MYL10: variants seen among roughly 807,000 people sequenced by gnomAD.
MYL10 encodes the protein myosin regulatory light chain 10.
In MYL10, 18 loss-of-function variants were observed where a neutral mutation model predicts 21.9. The observed-to-expected ratio is 0.82, with a 90% CI of 0.57 to 1.22. The LOEUF (loss-of-function observed/expected upper bound fraction) is 1.22, where lower values mean the gene tolerates loss of function less well. Among genes scored for constraint, MYL10 ranks in the 50% most tolerant of loss-of-function variants. The probability of loss-of-function intolerance (pLI) is 0.00; values close to 1 mark genes in which losing one functional copy is unlikely to be tolerated. For synonymous variants in MYL10, 88 were observed against 82.8 expected (o/e 1.06, Z -0.34); for missense variants, 225 against 230.4 (o/e 0.98, Z 0.15).
intron 5 of MYL10, among the ~76,000 whole-genome samples, chr7:101,620,930 G>A (rs978721081): frequency 9.9e-5 from 15 of 151,578 alleles, no homozygotes; most frequent in Non-Finnish European, 1.2e-4. Context: ...CTGGGATTAC[G>A]GGCACCCACC....
chr7:101,624,362 A>G, intron 1 of MYL10, 98 bp from the exon 2 acceptor site: 1 of 868,878 alleles, frequency 1.2e-6, no homozygotes, highest in Non-Finnish European at 1.8e-6. Flanking sequence ...CCAGAATGAC[A>G]CCGCTTTGCC....
chr7:101,617,852 G>A (rs538276535), intron 5 of MYL10, among the ~76,000 whole-genome samples: 1 of 152,006 alleles, frequency 6.6e-6, no homozygotes, highest in South Asian at 2.1e-4. Flanking sequence ...CATCAGACTG[G>A]ATCAGGGCCT....
rs1176944466 is a variant in MYL10, at chr7:101,625,101, G to C, written c.79-837C>G. Among the ~76,000 whole-genome samples, 5 of 152,166 alleles carry C rather than the reference G, an allele frequency of 3.3e-5. No homozygotes were observed. In the East Asian group the frequency reaches 9.6e-4, roughly 29 times the overall value. On this transcript the variant is annotated intron_variant, in intron 1 of 7. Transcript: ENST00000223167. ...CCACCCTGAACCTGGCTCAAAGTGG[G>C]GATCAGCCAGTGCTTGGAAATAGCT...
rs762939514 is a variant in MYL10, at chr7:101,622,132, T to G, written c.418A>C (p.Thr140Pro). 8 of 1,613,658 alleles carry G rather than the reference T, an allele frequency of 5.0e-6. No individual in the cohort carries two copies. Among genetic ancestry groups the G allele is most frequent in the Non-Finnish European group, 6.8e-6 (8 of 1,179,814 alleles). The change falls in exon 5 of 8, where the codon ACG becomes CCG. Residue 140 changes from threonine (T) to proline (P), a missense_variant. Coordinates refer to ENST00000223167, the MANE Select transcript of MYL10 (RefSeq NM_138403.5). The part of the protein sequence containing the change: ...VKEAPGPINF[T>P]VFLTMFGEKL... The stretch of plus-strand genomic sequence containing the variant: ...TCCCCAAACATGGTCAGGAACACCG[T>G]GAAGTTGATGGGTCCGGGGGCCTCC...
chr7:101,614,994 A>G (rs1358568298), intron 6 of MYL10, among the ~76,000 whole-genome samples: 1 of 152,050 alleles, frequency 6.6e-6, no homozygotes, highest in African/African-American at 2.4e-5. Context: ...TCAGCCCTGA[A>G]TCTTGGGTCC....
In MYL10 at chr7:101,629,057, T is replaced by C. The variant is rs1216318737; in HGVS notation, c.62A>G (p.Lys21Arg). 5 of 439,346 alleles carry C rather than the reference T, an allele frequency of 1.1e-5. No homozygotes were observed. The highest frequency in any genetic ancestry group is 1.8e-5 in the Non-Finnish European group (4 of 221,682). 27.2% of individuals were successfully genotyped at this position (439,346 alleles called of 1,614,324 possible). A position where few individuals can be genotyped will look rare whatever the true frequency, so the allele number is the denominator to read the frequency against. Residue 21 changes from lysine to arginine, a missense_variant, in exon 1 of 8, where the codon AAA (lysine) becomes AGA (arginine). Lys to Arg is a conservative substitution (Grantham distance 26). Coordinates refer to ENST00000223167, the MANE Select transcript of MYL10 (RefSeq NM_138403.5). ...PQVILPPRPP[K>R]VLGLQAPRRA... Reference sequence around the variant, plus strand: ...GGCTCATACCTGTAATCCCAGCACTTTGGGAGGCCGAGGAGGGAGGATCAC... The same window carrying C: ...GGCTCATACCTGTAATCCCAGCACTCTGGGAGGCCGAGGAGGGAGGATCAC...
In MYL10 at chr7:101,613,383, C is replaced by G. The variant is rs888425546; in HGVS notation, c.*92G>C. 4 of 1,050,650 alleles carry G rather than the reference C, an allele frequency of 3.8e-6. No homozygotes were observed. Among genetic ancestry groups the G allele is most frequent in the African/African-American group, 3.2e-5 (2 of 62,860 alleles). 65.1% of individuals were successfully genotyped at this position (1,050,650 alleles called of 1,614,324 possible). On this transcript the variant is annotated 3_prime_UTR_variant, in exon 8 of 8. Coordinates refer to ENST00000223167, the MANE Select transcript of MYL10 (RefSeq NM_138403.5). Reference sequence around the variant, plus strand: ...GTCCCCAACCGTAGGACAAGGGAAGCCTTTTTCCTGCAGCCTCTGGCTGCA... The same window carrying G: ...GTCCCCAACCGTAGGACAAGGGAAGGCTTTTTCCTGCAGCCTCTGGCTGCA...
At chr7:101,626,848 G>T (rs750764773) in intron 1 of MYL10, among the ~76,000 whole-genome samples, 10 of 152,186 alleles carry the variant, frequency 6.6e-5, no homozygotes, top group Non-Finnish European at 1.3e-4. Context: ...AGTGGGGCAG[G>T]TCCAAGCATG....
rs188614585 is a variant in MYL10, at chr7:101,623,000, G to A, written c.346C>T (p.Leu116=). 3 of 1,613,878 alleles carry A rather than the reference G, an allele frequency of 1.9e-6. No individual in the cohort carries two copies. Among genetic ancestry groups the A allele is most frequent in the Non-Finnish European group, 8.5e-7 (1 of 1,179,962 alleles). Residue 116 remains leucine (L), a synonymous_variant, in exon 4 of 8, where the codon CTG becomes TTG. Coordinates refer to ENST00000223167, the MANE Select transcript of MYL10 (RefSeq NM_138403.5). ...KEDLRDTFAA[L]GRINVKNEEL... ...CCCCGGCTGCTGGCTCACCCACCCAGCGCGGCAAAGGTGTCCCTCAAGTCC... is the reference window on the plus strand; with the variant it reads ...CCCCGGCTGCTGGCTCACCCACCCAACGCGGCAAAGGTGTCCCTCAAGTCC...
intron 1 of MYL10, among the ~76,000 whole-genome samples, chr7:101,625,832 AC>A (rs1431123314): frequency 6.6e-6 from 1 of 152,140 alleles, no homozygotes; most frequent in Non-Finnish European, 1.5e-5. Context: ...AAAAATGATC[AC>A]TTCCGTCTGT....
intron 1 of MYL10, among the ~76,000 whole-genome samples, chr7:101,626,232 G>T (rs1562827193): frequency 1.3e-5 from 2 of 152,154 alleles, no homozygotes; most frequent in South Asian, 2.1e-4. Context: ...CCTAGAGCAG[G>T]TCAACCTCAA....
At chr7:101,617,687 G>A (rs920478786) in intron 5 of MYL10, among the ~76,000 whole-genome samples, 6 of 152,174 alleles carry the variant, frequency 3.9e-5, no homozygotes, top group African/African-American at 1.4e-4. Context: ...CTGGGTCAGG[G>A]CCATCTGTGC....
intron 4 of MYL10, among the ~76,000 whole-genome samples, chr7:101,622,671 A>G (rs560693202): frequency 4.6e-5 from 7 of 152,128 alleles, no homozygotes; most frequent in Admixed American, 1.3e-4. Flanking sequence ...TCAACCTGGG[A>G]GTTGGGTCTT....
At chr7:101,622,669 G>A (rs1456099631) in intron 4 of MYL10, among the ~76,000 whole-genome samples, 15 of 152,104 alleles carry the variant, frequency 9.9e-5, no homozygotes. Context: ...CCTCAACCTG[G>A]GAGTTGGGTC....
intron 5 of MYL10, among the ~76,000 whole-genome samples, chr7:101,618,184 C>G (rs1380932655): frequency 6.6e-6 from 1 of 152,244 alleles, no homozygotes; most frequent in Non-Finnish European, 1.5e-5. Flanking sequence ...CCATGGACTG[C>G]CTCTGGGCAG....
chr7:101,614,875 T>C (rs954644020), intron 6 of MYL10, among the ~76,000 whole-genome samples: 1 of 152,078 alleles, frequency 6.6e-6, no homozygotes, highest in African/African-American at 2.4e-5. Context: ...GCTGGCAGCA[T>C]TACAGTAATT....
chr7:101,613,481 C>T lies in MYL10; in HGVS notation c.675G>A (p.Lys225=), dbSNP rs1238858213. 2 of 1,613,734 alleles carry T rather than the reference C, an allele frequency of 1.2e-6. No individual in the cohort carries two copies. The highest frequency in any genetic ancestry group is 1.7e-6 in the Non-Finnish European group (2 of 1,179,746). The part of the protein sequence containing the change: ...LCYVITHGEE[K]D ...CGGGGAGACTTGTGATCCCCTAATC[C>T]TTCTCTTCACCGTGAGTGATGACGT... is the stretch of plus-strand genomic sequence containing the variant. The change falls in exon 8 of 8, where the codon AAG becomes AAA. Residue 225 remains lysine, a synonymous_variant. Transcript: ENST00000223167.
Position 101,625,816 on chromosome 7 carries a change from T to C in MYL10, c.79-1552A>G, listed in dbSNP as rs1239049671. ...ATAATTACATATACATTTCCTCCGA[T>C]TAATAAAAAATGATCACTTCCGTCT... On this transcript the variant is annotated intron_variant, in intron 1 of 7. Transcript: ENST00000223167. Among the ~76,000 whole-genome samples the C allele has an allele frequency of 2.0e-5, 3 of 152,122 alleles. No individual in the cohort carries two copies. The East Asian group carries it at 5.8e-4, about 29-fold the overall frequency.
chr7:101,616,146 G>C, intron 6 of MYL10, 74 bp downstream of exon 6: 2 of 1,297,892 alleles, frequency 1.5e-6, no homozygotes, highest in East Asian at 4.7e-5. Flanking sequence ...GAGACTGGGC[G>C]ACCATCCACC....
Sources: gnomAD v4.1 joint callset for allele counts (sites outside exome capture counted in the v4.1 genomes callset) on GRCh38, gnomAD v4.1.1 for gene constraint, MANE v1.5 for transcripts, NCBI Gene and HGNC (gene_info 2026-07-23, HGNC 2026-07-21) for gene names.